The following SGCD variants were observed in gnomAD, a reference collection of about 807,000 sequenced individuals.
SGCD encodes sarcoglycan delta.
Under a neutral mutation model 36.6 loss-of-function variants are expected in SGCD, and 18 were observed. The ratio of observed to expected loss-of-function variants is 0.49; its 90% CI spans 0.34 to 0.73. SGCD has a LOEUF of 0.73. SGCD is among the 30% of genes least tolerant of loss of function. The pLI, the probability that SGCD is intolerant of heterozygous loss-of-function variation, is 0.01. For synonymous variants in SGCD, 133 were observed against 130.6 expected (o/e 1.02, Z -0.12); for missense variants, 387 against 346.7 (o/e 1.12, Z -0.92).
intron 3 of SGCD, among the ~76,000 whole-genome samples, chr5:156,166,951 A>G (rs1216542353): frequency 6.6e-6 from 1 of 152,158 alleles, no homozygotes; most frequent in Non-Finnish European, 1.5e-5. Context: ...TTTCTCTAAT[A>G]GGCTTGCTCT....
At chr5:156,357,973 T>C (rs4704795) in intron 3 of SGCD, among the ~76,000 whole-genome samples, 19,027 of 152,218 alleles carry the variant, frequency 0.12, 1,432 homozygotes, top group Middle Eastern at 0.22. Flanking sequence ...CCAGTATTCA[T>C]GAGGTAAAGG....
intron 6 of SGCD, among the ~76,000 whole-genome samples, chr5:156,626,202 C>T (rs72801169): frequency 0.068 from 10,282 of 152,230 alleles, 378 homozygotes; most frequent in South Asian, 0.11. Flanking sequence ...GTATGCAGAG[C>T]GCTGACTGCA....
At chr5:156,045,986 A>G (rs976574789) in intron 1 of SGCD, among the ~76,000 whole-genome samples, 2 of 152,052 alleles carry the variant, frequency 1.3e-5, no homozygotes, top group Non-Finnish European at 2.9e-5. Flanking sequence ...CACTAGGTTA[A>G]TTTTTTAAAA....
chr5:155,879,942 T>A (rs1202213325), intron 1 of SGCD, among the ~76,000 whole-genome samples: 1 of 152,098 alleles, frequency 6.6e-6, no homozygotes, highest in Non-Finnish European at 1.5e-5. Context: ...ACAAAAAGAT[T>A]TTATTGTTAT....
chr5:156,090,308 A>G (rs565378867), intron 1 of SGCD, among the ~76,000 whole-genome samples: 1 of 152,226 alleles, frequency 6.6e-6, no homozygotes, highest in Admixed American at 6.5e-5. Context: ...GTTGCTTTCT[A>G]TTTTCCCTAA....
intron 1 of SGCD, among the ~76,000 whole-genome samples, chr5:155,950,531 C>T (rs772639185): frequency 2.6e-5 from 4 of 152,098 alleles, no homozygotes; most frequent in Non-Finnish European, 5.9e-5. Flanking sequence ...ATATCCACCC[C>T]TAAAGTTAGG....
At chr5:155,888,880 C>T (rs17052951) in intron 1 of SGCD, among the ~76,000 whole-genome samples, 2,233 of 152,276 alleles carry the variant, frequency 0.015, 25 homozygotes, top group Middle Eastern at 0.051. Flanking sequence ...CTAATGTCCA[C>T]ATCCTTCACT....
chr5:156,195,411 T>C (rs1172715721), intron 3 of SGCD, among the ~76,000 whole-genome samples: 2 of 152,226 alleles, frequency 1.3e-5, no homozygotes, highest in Non-Finnish European at 2.9e-5. Flanking sequence ...CACATCTAAA[T>C]GTTAGATGAT....
chr5:156,267,513 G>C (rs943374714), intron 3 of SGCD, among the ~76,000 whole-genome samples: 1 of 152,194 alleles, frequency 6.6e-6, no homozygotes, highest in East Asian at 1.9e-4. Flanking sequence ...CTTTCTAGCG[G>C]TTTTTCGGAA....
the SGCD span, among the ~76,000 whole-genome samples, chr5:155,794,736 A>G: frequency 1.2e-4 from 17 of 147,154 alleles, no homozygotes; most frequent in Admixed American, 4.6e-4. Flanking sequence ...GGGAGAAAAA[A>G]GAATTTGTGG....
At chr5:156,444,857 T>C (rs963914885) in intron 3 of SGCD, among the ~76,000 whole-genome samples, 1 of 152,190 alleles carries the variant, frequency 6.6e-6, no homozygotes, top group African/African-American at 2.4e-5. Context: ...GAATGCTCCA[T>C]GTGTTTTTAC....
At chr5:156,697,753 A>ATGGG (rs1431457908) in intron 7 of SGCD, among the ~76,000 whole-genome samples, 7 of 112,438 alleles carry the variant, frequency 6.2e-5, no homozygotes, top group Admixed American at 5.1e-4. Flanking sequence ...GGACGGACGG[A>ATGGG]TGGATGGATG....
At chr5:156,573,873 TG>T (rs1291376228) in intron 4 of SGCD, among the ~76,000 whole-genome samples, 1 of 152,088 alleles carries the variant, frequency 6.6e-6, no homozygotes, top group Non-Finnish European at 1.5e-5. Flanking sequence ...TTTTCTTTTT[TG>T]TAGAGACAGG....
chr5:156,324,208 C>T (rs925998309), upstream of SGCD, among the ~76,000 whole-genome samples: 1 of 152,114 alleles, frequency 6.6e-6, no homozygotes, highest in Non-Finnish European at 1.5e-5. Context: ...CTAGCAGAGA[C>T]TACATTAGGT....
chr5:155,886,651 A>G (rs567762332), intron 1 of SGCD, among the ~76,000 whole-genome samples: 167 of 152,344 alleles, frequency 1.1e-3, no homozygotes, highest in African/African-American at 3.9e-3. Context: ...GGTAGTTGCA[A>G]AAGGATATTC....
intron 1 of SGCD, among the ~76,000 whole-genome samples, chr5:156,049,416 A>G (rs1759859093): frequency 6.9e-6 from 1 of 145,178 alleles, no homozygotes; most frequent in Admixed American, 6.9e-5. Flanking sequence ...TCCCTTGGGC[A>G]GTATGGCCAT....
rs1169509418 is a variant in SGCD at position 156,764,702 on chromosome 5, T to A, written c.*5312T>A. The A allele has an allele frequency of 6.6e-6, 1 of 152,170 alleles. No homozygotes were observed. 9.4% of individuals were successfully genotyped at this position (152,170 alleles called of 1,614,324 possible). On this transcript the variant is annotated 3_prime_UTR_variant, in exon 9 of 9. Transcript: ENST00000337851. ...TTGACAGAATAGGAGGAAATGAGCA[T>A]CCTTATTTGAGAAAGAGCAAGAATG...
chr5:156,237,741 T>C (rs1365701617), intron 3 of SGCD, among the ~76,000 whole-genome samples: 1 of 152,176 alleles, frequency 6.6e-6, no homozygotes, highest in African/African-American at 2.4e-5. Context: ...AGGATCTGTG[T>C]TCACCCTAAC....
chr5:156,427,720 A>C (rs767072030), intron 3 of SGCD, among the ~76,000 whole-genome samples: 1 of 152,024 alleles, frequency 6.6e-6, no homozygotes, highest in Non-Finnish European at 1.5e-5. Context: ...CTTCTATGCC[A>C]ATTTTGTTGA....
Sources: gnomAD v4.1 joint callset for allele counts (sites outside exome capture counted in the v4.1 genomes callset) on GRCh38, gnomAD v4.1.1 for gene constraint, MANE v1.5 for transcripts, NCBI Gene and HGNC (gene_info 2026-07-23, HGNC 2026-07-21) for gene names.